Variants in MFSD6 observed in about 807,000 individuals in gnomAD.
The protein encoded by MFSD6 is major facilitator superfamily domain-containing protein 6.
In MFSD6, 26 loss-of-function variants were observed where a neutral mutation model predicts 56.3. The observed-to-expected ratio is 0.46, with a 90% CI of 0.34 to 0.64. The LOEUF (loss-of-function observed/expected upper bound fraction) is 0.64. Ranked by LOEUF, MFSD6 falls within the 30% of genes least tolerant of loss-of-function variation. The pLI is 0.01. For synonymous variants in MFSD6, 331 were observed against 366.9 expected (o/e 0.90, Z 1.12); for missense variants, 750 against 986.2 (o/e 0.76, Z 3.21).
In MFSD6 at chr2:190,418,897, G is replaced by A. The variant is rs1210434413; in HGVS notation, c.-54+3484G>A. Among the ~76,000 whole-genome samples the A allele has an allele frequency of 1.3e-5, 2 of 152,216 alleles. No individual in the cohort carries two copies. Among genetic ancestry groups the A allele is most frequent in the East Asian group, 3.8e-4 (2 of 5,200 alleles). Reference sequence around the variant, plus strand: ...GGGGAGCCCGTGGGCAGTGCTGAGTGCCTGGAGGGCTCAGGCTGGAAACTG... The same window carrying A: ...GGGGAGCCCGTGGGCAGTGCTGAGTACCTGGAGGGCTCAGGCTGGAAACTG... On this transcript the variant is annotated intron_variant, in intron 2 of 7. Transcript: ENST00000392328. This position sits in a 1 kb window ranked among gnomAD's most constrained non-coding sequence, Gnocchi z 4.1.
In MFSD6 at chr2:190,418,364, G is replaced by T. The variant is rs186960695; in HGVS notation, c.-54+2951G>T. Reference sequence around the variant, plus strand: ...TAATCCACTGATTCCCTGTTGAAGTGCAAATATGTTGTCAAGATGGGGCAA... The same window carrying T: ...TAATCCACTGATTCCCTGTTGAAGTTCAAATATGTTGTCAAGATGGGGCAA... On this transcript the variant is annotated intron_variant, in intron 2 of 7. Transcript: ENST00000392328. The surrounding 1 kb of genome is among the most constrained non-coding windows in gnomAD (Gnocchi z 4.1). Among the ~76,000 whole-genome samples, 1 of 152,212 alleles carries T rather than the reference G, an allele frequency of 6.6e-6. No individual in the cohort carries two copies. The highest frequency in any genetic ancestry group is 6.5e-5 in the Admixed American group (1 of 15,278).
chr2:190,466,771 T>G (rs1393154693), intron 3 of MFSD6, among the ~76,000 whole-genome samples: 1 of 152,202 alleles, frequency 6.6e-6, no homozygotes, highest in Non-Finnish European at 1.5e-5. Context: ...TGTTTGCTCC[T>G]AAAGGACTAT....
rs775513936 is a variant in MFSD6 at position 190,497,674 on chromosome 2, G to A, written c.2127G>A (p.Met709Ile). 1 of 1,614,174 alleles carries A rather than the reference G, an allele frequency of 6.2e-7. No individual in the cohort carries two copies. The highest frequency in any genetic ancestry group is 1.7e-5 in the Admixed American group (1 of 60,028). Reference sequence around the variant, plus strand: ...CACTCTACCAAATTAAAGAGATGATGCAACTCACAAGAGACAACCGTGCTT... The same window carrying A: ...CACTCTACCAAATTAAAGAGATGATACAACTCACAAGAGACAACCGTGCTT... ...VYALYQIKEM[M>I]QLTRDNRASE... Residue 709 changes from methionine to isoleucine, a missense_variant, in exon 7 of 8, where the codon ATG becomes ATA. Physicochemically the swap from Met to Ile is conservative, Grantham distance 10 (BLOSUM62 1). Transcript: ENST00000392328. The surrounding 1 kb of genome is among the most constrained non-coding windows in gnomAD (Gnocchi z 5.2).
In MFSD6 at chr2:190,492,036, G is replaced by A. The variant is rs1286491121; in HGVS notation, c.1891+2170G>A. Among the ~76,000 whole-genome samples, 1 of 152,160 alleles carries A rather than the reference G, an allele frequency of 6.6e-6. No homozygotes were observed. The highest frequency in any genetic ancestry group is 1.9e-4 in the East Asian group (1 of 5,200). Reference sequence around the variant, plus strand: ...AATGTTCTGGAAAGTCTCAGCAACAGAATCGAAGAAGCAGAAGAAAGAACT... The same window carrying A: ...AATGTTCTGGAAAGTCTCAGCAACAAAATCGAAGAAGCAGAAGAAAGAACT... On this transcript the variant is annotated intron_variant, in intron 6 of 7. Coordinates refer to ENST00000392328, the MANE Select transcript of MFSD6 (RefSeq NM_017694.4). The surrounding 1 kb of genome is among the most constrained non-coding windows in gnomAD (Gnocchi z 5.2).
chr2:190,436,635 G>A lies in MFSD6; in HGVS notation c.606G>A (p.Leu202=). Reference sequence around the variant, plus strand: ...AAATGCGTGAGAAAAGAAACCTTTTGGAAACAAGGCTCAATGTCTCAGACA... The same window carrying A: ...AAATGCGTGAGAAAAGAAACCTTTTAGAAACAAGGCTCAATGTCTCAGACA... ...SPKMREKRNL[L]ETRLNVSDTV... The change falls in exon 3 of 8, where the codon TTG becomes TTA. Residue 202 remains leucine (L), a synonymous_variant. Transcript: ENST00000392328. The surrounding 1 kb of genome is among the most constrained non-coding windows in gnomAD (Gnocchi z 5.3). 6.2e-7 allele frequency: 1 copy of A among 1,614,112 alleles called. No individual in the cohort carries two copies.
At position 190,457,982 on chromosome 2, in the gene MFSD6, G is replaced by A. The variant is rs1267289170; in HGVS notation, c.1533-11776G>A. Reference sequence around the variant, plus strand: ...TAAATGAGTAAATATGGTCAGATTAGGTTGTACAAAATGCGAAGAGTCCTC... The same window carrying A: ...TAAATGAGTAAATATGGTCAGATTAAGTTGTACAAAATGCGAAGAGTCCTC... On this transcript the variant is annotated intron_variant, in intron 3 of 7. Transcript: ENST00000392328. This position sits in a 1 kb window ranked among gnomAD's most constrained non-coding sequence, Gnocchi z 5.1. 3.9e-5 allele frequency among the ~76,000 whole-genome samples: 6 copies of A among 152,184 alleles called. No individual in the cohort carries two copies. The highest frequency in any genetic ancestry group is 8.8e-5 in the Non-Finnish European group (6 of 68,026).
chr2:190,437,149 G>T lies in MFSD6; in HGVS notation c.1120G>T (p.Val374Phe). The T allele has an allele frequency of 6.2e-7, 1 of 1,614,220 alleles. No homozygotes were observed. Among genetic ancestry groups the T allele is most frequent in the Non-Finnish European group, 8.5e-7 (1 of 1,180,046 alleles). ...CAGGAATTACCAGATCGTCTTCATC[G>T]TCTTCGGCGTTCTCATGACCATGGC... Reference protein sequence around the residue: ...EYRNYQIVFIVFGVLMTMALI... With the variant: ...EYRNYQIVFIFFGVLMTMALI... The change falls in exon 3 of 8, where the codon GTC becomes TTC. Residue 374 changes from valine to phenylalanine, a missense_variant. Physicochemically the swap from Val to Phe is conservative, Grantham distance 50 (BLOSUM62 -1). Transcript: ENST00000392328. The surrounding 1 kb of genome is among the most constrained non-coding windows in gnomAD (Gnocchi z 5.9).
At position 190,423,182 on chromosome 2, in the gene MFSD6, C is replaced by T. The variant is rs1413867331; in HGVS notation, c.-54+7769C>T. 6.6e-6 allele frequency among the ~76,000 whole-genome samples: 1 copy of T among 152,194 alleles called. No individual in the cohort carries two copies. The highest frequency in any genetic ancestry group is 2.4e-5 in the African/African-American group (1 of 41,440). On this transcript the variant is annotated intron_variant, in intron 2 of 7. Transcript: ENST00000392328. This position sits in a 1 kb window ranked among gnomAD's most constrained non-coding sequence, Gnocchi z 4.3. ...GTGATAACATCTTGCAAAACTATAG[C>T]ATAATAGCACCATTGACATTGAGGC...
chr2:190,412,155 C>G lies in MFSD6; in HGVS notation c.-175-3137C>G. On this transcript the variant is annotated intron_variant, in intron 1 of 7. Transcript: ENST00000392328. The surrounding 1 kb of genome is among the most constrained non-coding windows in gnomAD (Gnocchi z 4.1). The stretch of plus-strand genomic sequence containing the variant: ...CAATTCTATGTAAAATTAACTAAAA[C>G]CACTGCTTAGAATCCTTAAAAATTA... 3.1e-6 allele frequency: 3 copies of G among 983,534 alleles called. No homozygotes were observed. The highest frequency in any genetic ancestry group is 1.1e-3 in the Middle Eastern group (2 of 1,904). 60.9% of individuals were successfully genotyped at this position (983,534 alleles called of 1,614,324 possible).
intron 4 of MFSD6, chr2:190,477,173 G>C: frequency 1.2e-6 from 1 of 803,604 alleles, no homozygotes; most frequent in Non-Finnish European, 1.5e-6. Context: ...CCTGCACGTT[G>C]TGCACATGTA....
In MFSD6 at chr2:190,436,191, A is replaced by C. The variant is rs1686171530; in HGVS notation, c.162A>C (p.Ile54=). Residue 54 remains isoleucine, a synonymous_variant, in exon 3 of 8, where the codon ATA becomes ATC. Transcript: ENST00000392328. This position sits in a 1 kb window ranked among gnomAD's most constrained non-coding sequence, Gnocchi z 5.3. Reference sequence around the variant, plus strand: ...CATCTGCTATTCCTGAGGAGGAAATAGACTGGATAGAGAAACATTGTGTTA... The same window carrying C: ...CATCTGCTATTCCTGAGGAGGAAATCGACTGGATAGAGAAACATTGTGTTA... The part of the protein sequence containing the change: ...TETSAIPEEE[I]DWIEKHCVKI... 6.2e-7 allele frequency: 1 copy of C among 1,614,086 alleles called. No individual in the cohort carries two copies. The highest frequency in any genetic ancestry group is 1.3e-5 in the African/African-American group (1 of 74,950).
At chr2:190,474,105 A>G (rs1688129808) in intron 4 of MFSD6, among the ~76,000 whole-genome samples, 1 of 152,234 alleles carries the variant, frequency 6.6e-6, no homozygotes, top group Non-Finnish European at 1.5e-5. Flanking sequence ...TGCCCACAAG[A>G]GAAAGCAGGA....
intron 3 of MFSD6, among the ~76,000 whole-genome samples, chr2:190,452,148 A>G (rs746563611): frequency 6.6e-6 from 1 of 152,142 alleles, no homozygotes; most frequent in Non-Finnish European, 1.5e-5. Flanking sequence ...AAAAACAAAA[A>G]TAAGTTTAAA....
At chr2:190,476,309 C>CT (rs1168103549) in intron 4 of MFSD6, among the ~76,000 whole-genome samples, 1 of 152,172 alleles carries the variant, frequency 6.6e-6, no homozygotes, top group Non-Finnish European at 1.5e-5. Context: ...ATCTACTCAT[C>CT]TGACAAAGGG....
At position 190,437,210 on chromosome 2, in the gene MFSD6, A is replaced by G; in HGVS notation, c.1181A>G (p.Asn394Ser). The G allele has an allele frequency of 6.2e-7, 1 of 1,614,234 alleles. No homozygotes were observed. Among genetic ancestry groups the G allele is most frequent in the African/African-American group, 1.3e-5 (1 of 75,060 alleles). ...GCCACTCAGTTCCGGTTCCGCTACA[A>G]CCATTTCAAAAACGATGATTCTAAA... ...IVATQFRFRYNHFKNDDSKGK... is the reference protein window; with the variant it reads ...IVATQFRFRYSHFKNDDSKGK... Residue 394 changes from asparagine (N) to serine (S), a missense_variant, in exon 3 of 8, where the codon AAC becomes AGC. Asn to Ser is a conservative substitution (Grantham distance 46). This residue lies in a region of MFSD6 where 376 missense variants were observed against 437.9 expected (regional missense o/e 0.86). Transcript: ENST00000392328. This position sits in a 1 kb window ranked among gnomAD's most constrained non-coding sequence, Gnocchi z 5.9.
At chr2:190,435,682 C>CCTAT (rs1315777552) in intron 2 of MFSD6, among the ~76,000 whole-genome samples, 4 of 151,950 alleles carry the variant, frequency 2.6e-5, no homozygotes, top group Non-Finnish European at 5.9e-5. Flanking sequence ...AGACATAATC[C>CCTAT]CTATTATTTG....
Position 190,437,256 on chromosome 2 carries a change from G to A in MFSD6, c.1227G>A (p.Pro409=), listed in dbSNP as rs755379156. The A allele has an allele frequency of 1.9e-5, 30 of 1,614,078 alleles. No homozygotes were observed. The African/African-American group carries it at 2.8e-4, about 15-fold the overall frequency. Residue 409 remains proline, a synonymous_variant, in exon 3 of 8, where the codon CCG becomes CCA. Transcript: ENST00000392328. The surrounding 1 kb of genome is among the most constrained non-coding windows in gnomAD (Gnocchi z 5.9). ...CTAAAGGGAAAGAGGTGGAGATCCC[G>A]CAGGTGGAAAGGAACAACTCTACAG... The part of the protein sequence containing the change: ...DDSKGKEVEI[P]QVERNNSTES...
rs1689865968 is a variant in MFSD6 at position 190,498,938 on chromosome 2, A to G, written c.2173-1077A>G. On this transcript the variant is annotated intron_variant, in intron 7 of 7. Coordinates refer to ENST00000392328, the MANE Select transcript of MFSD6 (RefSeq NM_017694.4). The surrounding 1 kb of genome is among the most constrained non-coding windows in gnomAD (Gnocchi z 5.9). ...GCCGAGGTGGGTGGATCACGAGGTC[A>G]GGAGTTCAAGACCAGCCTGGCCAAG... Among the ~76,000 whole-genome samples, 1 of 151,970 alleles carries G rather than the reference A, an allele frequency of 6.6e-6. No homozygotes were observed. The highest frequency in any genetic ancestry group is 2.1e-4 in the South Asian group (1 of 4,812).
At position 190,451,633 on chromosome 2, in the gene MFSD6, G is replaced by A. The variant is rs893633869; in HGVS notation, c.1532+14072G>A. On this transcript the variant is annotated intron_variant, in intron 3 of 7. Transcript: ENST00000392328. This position sits in a 1 kb window ranked among gnomAD's most constrained non-coding sequence, Gnocchi z 5.0. Reference sequence around the variant, plus strand: ...TGAGGAGAAGCAATTGTTTCAGCTCGGTTAGGCTGGGAGACTTTCCCTGAG... The same window carrying A: ...TGAGGAGAAGCAATTGTTTCAGCTCAGTTAGGCTGGGAGACTTTCCCTGAG... Among the ~76,000 whole-genome samples, 3 of 152,184 alleles carry A rather than the reference G, an allele frequency of 2.0e-5. No individual in the cohort carries two copies. The highest frequency in any genetic ancestry group is 4.8e-5 in the African/African-American group (2 of 41,438).
Sources: gnomAD v4.1 joint callset for allele counts (sites outside exome capture counted in the v4.1 genomes callset) on GRCh38, gnomAD v4.1.1 for gene constraint, gnomAD v4.1.1 regional missense constraint, Gnocchi (gnomAD v3.1) non-coding constraint, MANE v1.5 for transcripts, NCBI Gene and HGNC (gene_info 2026-07-23, HGNC 2026-07-21) for gene names.